AKAP1: variants seen among roughly 807,000 people sequenced by gnomAD.
AKAP1 encodes the protein A-kinase anchor protein 1, mitochondrial.
A neutral mutation model predicts 79.8 loss-of-function variants in AKAP1; 32 were observed. The ratio of observed to expected loss-of-function variants is 0.40; its 90% CI spans 0.30 to 0.54. The LOEUF is 0.54. AKAP1 is among the 20% of genes least tolerant of loss of function. The pLI, the probability that AKAP1 is intolerant of heterozygous loss-of-function variation, is 0.47. For missense variants in AKAP1, 961 were observed against 1,138.9 expected (o/e 0.84, Z 2.25); for synonymous variants, 416 against 466.7 (o/e 0.89, Z 1.40).
intron 1 of AKAP1, among the ~76,000 whole-genome samples, chr17:57,103,222 A>G (rs941455398): frequency 6.6e-6 from 1 of 152,252 alleles, no homozygotes; most frequent in Admixed American, 6.5e-5. Flanking sequence ...GCTGCTTCAA[A>G]TATCAGCAAG....
intron 1 of AKAP1, among the ~76,000 whole-genome samples, chr17:57,087,258 T>G (rs1913516818): frequency 6.6e-6 from 1 of 152,192 alleles, no homozygotes; most frequent in Non-Finnish European, 1.5e-5. Flanking sequence ...GAGACAGGTC[T>G]AATGGATTTG....
rs759327960 is a variant in AKAP1 at position 57,110,066 on chromosome 17, A to C, written c.1756A>C (p.Ser586Arg). The C allele has an allele frequency of 2.1e-5, 34 of 1,614,058 alleles. No individual in the cohort carries two copies. Among genetic ancestry groups the C allele is most frequent in the Admixed American group, 3.3e-5 (2 of 60,004 alleles). The change falls in exon 3 of 11, where the codon AGT (serine) becomes CGT (arginine). Residue 586 changes from serine to arginine, a missense_variant. Physicochemically the swap from Ser to Arg is moderately radical, Grantham distance 110. Around this residue, in one of 3 missense-constraint regions of AKAP1, gnomAD observed 629 missense variants for 781.1 expected, o/e 0.81. Coordinates refer to ENST00000337714, the MANE Select transcript of AKAP1 (RefSeq NM_003488.4). ...CATGGATTCCGTGGATAGCTGTTGCAGTCTCAAGAAGACTGAGAGCTTCCA... is the reference window on the plus strand; with the variant it reads ...CATGGATTCCGTGGATAGCTGTTGCCGTCTCAAGAAGACTGAGAGCTTCCA... The part of the protein sequence containing the change: ...NSMDSVDSCC[S>R]LKKTESFQNA...
At chr17:57,104,979 T>C (rs2144709722) in intron 1 of AKAP1, among the ~76,000 whole-genome samples, 1 of 152,306 alleles carries the variant, frequency 6.6e-6, no homozygotes, top group Admixed American at 6.5e-5. Flanking sequence ...CATTGACTCA[T>C]GATTTTATGG....
intron 1 of AKAP1, among the ~76,000 whole-genome samples, chr17:57,089,596 C>T (rs993184185): frequency 2.6e-5 from 4 of 152,116 alleles, no homozygotes; most frequent in Admixed American, 6.6e-5. Context: ...TGTTGGACAG[C>T]GCCGGCCTAG....
At chr17:57,115,353 T>C (rs141447842) in intron 6 of AKAP1, among the ~76,000 whole-genome samples, 1 of 152,332 alleles carries the variant, frequency 6.6e-6, no homozygotes, top group Non-Finnish European at 1.5e-5. Context: ...CATTGGCTTC[T>C]CTAAAGTTGC....
intron 1 of AKAP1, chr17:57,096,653 G>A (rs1341229836): frequency 1.3e-5 from 2 of 152,308 alleles, no homozygotes; most frequent in Middle Eastern, 3.1e-3. Flanking sequence ...CAACACCTGA[G>A]CCATGGCTCC....
intron 1 of AKAP1, chr17:57,094,407 C>T (rs1436202050): frequency 1.3e-5 from 2 of 152,204 alleles, no homozygotes; most frequent in African/African-American, 4.8e-5. Flanking sequence ...AGAAGCCAGC[C>T]GATCCATGCA....
intron 1 of AKAP1, among the ~76,000 whole-genome samples, chr17:57,099,962 G>T (rs1478704076): frequency 1.3e-5 from 2 of 152,132 alleles, no homozygotes; most frequent in African/African-American, 2.4e-5. Context: ...GCTGGGTGTG[G>T]TGGTGTGGTG....
chr17:57,109,655 C>T (rs932197350), intron 2 of AKAP1, among the ~76,000 whole-genome samples: 4 of 152,138 alleles, frequency 2.6e-5, no homozygotes, highest in African/African-American at 4.8e-5. Context: ...CGGTCTGGCT[C>T]TCAGGACCAT....
intron 1 of AKAP1, among the ~76,000 whole-genome samples, chr17:57,088,699 A>G (rs976510819): frequency 6.6e-6 from 1 of 152,234 alleles, no homozygotes; most frequent in Admixed American, 6.5e-5. Context: ...GTGTGTTATC[A>G]TTCAGCATTC....
chr17:57,100,812 T>C (rs35049727), intron 1 of AKAP1, among the ~76,000 whole-genome samples: 29,172 of 151,706 alleles, frequency 0.19, 3,061 homozygotes, highest in East Asian at 0.42. Context: ...TCCTTACTCT[T>C]TTTTTTTAAA....
At position 57,105,701 on chromosome 17, in the gene AKAP1, A is replaced by C. The variant is rs1224399146; in HGVS notation, c.237A>C (p.Glu79Asp). The C allele has an allele frequency of 1.9e-6, 3 of 1,614,012 alleles. No homozygotes were observed. Among genetic ancestry groups the C allele is most frequent in the Non-Finnish European group, 1.7e-6 (2 of 1,180,030 alleles). The change falls in exon 2 of 11, where the codon GAA becomes GAC. Residue 79 changes from glutamate (E) to aspartate (D), a missense_variant. Around this residue, in one of 3 missense-constraint regions of AKAP1, gnomAD observed 108 missense variants for 147.6 expected, o/e 0.73. Coordinates refer to ENST00000337714, the MANE Select transcript of AKAP1 (RefSeq NM_003488.4). ...STPPSVTEPP[E>D]KELSTVSKLP... is the part of the protein sequence containing the mutation. ...CCCCCAGTGTCACAGAGCCTCCAGA[A>C]AAGGAACTGTCCACCGTGAGCAAGC...
intron 10 of AKAP1, 77 bp downstream of exon 10, chr17:57,119,121 G>T: frequency 1.3e-6 from 2 of 1,491,376 alleles, no homozygotes; most frequent in Admixed American, 1.7e-5. Flanking sequence ...CCTGGGATTT[G>T]TTTCCTCTTG....
intron 6 of AKAP1, 105 bp from the exon 7 acceptor site, chr17:57,116,006 T>C (rs1488691010): frequency 5.1e-6 from 7 of 1,360,688 alleles, no homozygotes; most frequent in South Asian, 4.1e-5. Context: ...CTGTGGAGGT[T>C]GCAGGCCTCT....
At position 57,119,000 on chromosome 17, in the gene AKAP1, A is replaced by C; in HGVS notation, c.2593A>C (p.Thr865Pro). 1 of 1,613,686 alleles carries C rather than the reference A, an allele frequency of 6.2e-7. No homozygotes were observed. Among genetic ancestry groups the C allele is most frequent in the South Asian group, 1.1e-5 (1 of 91,036 alleles). Residue 865 changes from threonine (T) to proline (P), a missense_variant, in exon 10 of 11, where the codon ACT becomes CCT. This residue lies in a region of AKAP1 where 629 missense variants were observed against 781.1 expected (regional missense o/e 0.81). Coordinates refer to ENST00000337714, the MANE Select transcript of AKAP1 (RefSeq NM_003488.4). ...TCTTCAGGTGACAAGTTACAGTCCA[A>C]CTGGTCTTCCTCTGATTCAGCTGTG... ...LLAQVTSYSP[T>P]GLPLIQLWSV...
intron 1 of AKAP1, among the ~76,000 whole-genome samples, chr17:57,088,570 G>A (rs1347211257): frequency 6.6e-6 from 1 of 152,188 alleles, no homozygotes; most frequent in African/African-American, 2.4e-5. Context: ...AAGCGTGGGT[G>A]TGGAGTTAAA....
chr17:57,112,362 T>G (rs3094444), intron 4 of AKAP1, 129 bp from the exon 5 acceptor site: 1,121,373 of 1,122,224 alleles, frequency 1, 560,265 homozygotes, highest in Middle Eastern at 1. Flanking sequence ...AAGTGTTTTG[T>G]TACCTCAAAG....
rs1164101721 is a variant in AKAP1 at position 57,086,120 on chromosome 17, C to G, written c.-25+722C>G. On this transcript the variant is annotated intron_variant, in intron 1 of 10. Transcript: ENST00000337714. This position sits in a 1 kb window ranked among gnomAD's most constrained non-coding sequence, Gnocchi z 5.1. The stretch of plus-strand genomic sequence containing the variant: ...TCGGGGGGAATTTGCATTCGTAGCC[C>G]CTGCAGGCGTGTCCGGAGGGGTGGA... 3.8e-6 allele frequency: 1 copy of G among 265,304 alleles called. No homozygotes were observed. Among genetic ancestry groups the G allele is most frequent in the African/African-American group, 2.4e-5 (1 of 42,354 alleles). The allele number at this position is 265,304 out of a possible 1,614,324, so 16.4% of individuals were successfully genotyped here.
chr17:57,091,271 G>T (rs1567895991), intron 1 of AKAP1, among the ~76,000 whole-genome samples: 1 of 151,630 alleles, frequency 6.6e-6, no homozygotes, highest in Admixed American at 6.6e-5. Flanking sequence ...GCTTTGGTGT[G>T]GCTCACCTGG....
Sources: allele counts gnomAD v4.1 joint callset (sites outside exome capture counted in the v4.1 genomes callset), GRCh38; gene constraint gnomAD v4.1.1; regional missense constraint gnomAD v4.1.1; non-coding constraint Gnocchi (gnomAD v3.1); transcripts MANE v1.5; gene names NCBI Gene and HGNC (gene_info 2026-07-23, HGNC 2026-07-21).